Variants in SBK2 observed in about 807,000 individuals in gnomAD.
The protein encoded by SBK2 is serine/threonine-protein kinase SBK2.
Under a neutral mutation model 15.9 loss-of-function variants are expected in SBK2, and 18 were observed. The ratio of observed to expected loss-of-function variants is 1.13; its 90% CI spans 0.78 to 1.68. The LOEUF (loss-of-function observed/expected upper bound fraction) is 1.68. Ranked by LOEUF, SBK2 falls within the 40% of genes most tolerant of loss-of-function variation. SBK2 has a pLI of 0.00. For synonymous variants in SBK2, 284 were observed against 246.8 expected, an observed-to-expected ratio of 1.15 and a Z score of -1.41; for missense variants, 581 against 510.9, an observed-to-expected ratio of 1.14 and a Z score of -1.32.
In SBK2 at chr19:55,529,501, G is replaced by A. The variant is rs1221041244; in HGVS notation, c.*232C>T. ...GGTGGCGGCAGGTACCGAGAGCCACGCGGAGGTCTGAGACCCTGGGGAAGG... is the reference window on the plus strand; with the variant it reads ...GGTGGCGGCAGGTACCGAGAGCCACACGGAGGTCTGAGACCCTGGGGAAGG... On this transcript the variant is annotated 3_prime_UTR_variant, in exon 4 of 4. Transcript: ENST00000413299. Among the ~76,000 whole-genome samples the A allele has an allele frequency of 6.6e-6, 1 of 151,990 alleles. No homozygotes were observed. Among genetic ancestry groups the A allele is most frequent in the Admixed American group, 6.6e-5 (1 of 15,262 alleles).
chr19:55,536,061 C>G lies in SBK2; in HGVS notation c.234G>C (p.Leu78=). The change falls in exon 2 of 4, where the codon CTG becomes CTC. Residue 78 remains leucine, a synonymous_variant. Transcript: ENST00000413299. ...LGQGCYGRVL[L]VTHRQKGTPL... ...TCGTACCTTTCTGACGATGGGTGAC[C>G]AGAAGGACGCGGCCATAGCAACCCT... 8.8e-6 allele frequency: 13 copies of G among 1,483,548 alleles called. No homozygotes were observed. In the African/African-American group the frequency reaches 1.1e-4, roughly 13 times the overall value. 91.9% of individuals were successfully genotyped at this position (1,483,548 alleles called of 1,614,324 possible).
intron 2 of SBK2, among the ~76,000 whole-genome samples, chr19:55,535,318 C>G (rs1048428547): frequency 6.6e-6 from 1 of 152,148 alleles, no homozygotes; most frequent in South Asian, 2.1e-4. Context: ...GGGGAGCTGT[C>G]CTGCGCACCC....
At position 55,530,315 on chromosome 19, in the gene SBK2, G is replaced by T. The variant is rs1373975281; in HGVS notation, c.465C>A (p.Leu155=). The stretch of plus-strand genomic sequence containing the variant: ...CGCAGCGGTGCACCGCGGGCTGCGG[G>T]AGGCCCACCTGCGGGGAGAGGGGTC... ...LMAFIQPKVG[L]PQPAVHRCAA... The change falls in exon 4 of 4, where the codon CTC becomes CTA. Residue 155 remains leucine, a synonymous_variant. Transcript: ENST00000413299. 5 of 1,409,072 alleles carry T rather than the reference G, an allele frequency of 3.5e-6. No individual in the cohort carries two copies. The highest frequency in any genetic ancestry group is 4.6e-6 in the Non-Finnish European group (5 of 1,082,910). 87.3% of individuals were successfully genotyped at this position (1,409,072 alleles called of 1,614,324 possible).
In SBK2 at chr19:55,536,089, C is replaced by T; in HGVS notation, c.206G>A (p.Gly69Asp). 6.6e-7 allele frequency: 1 copy of T among 1,520,460 alleles called. No individual in the cohort carries two copies. The highest frequency in any genetic ancestry group is 8.9e-7 in the Non-Finnish European group (1 of 1,127,328). The allele number at this position is 1,520,460 out of a possible 1,614,324, so 94.2% of individuals were successfully genotyped here. A position where few individuals can be genotyped will look rare whatever the true frequency, so the allele number is the denominator to read the frequency against. ...AAGGACGCGGCCATAGCAACCCTGG[C>T]CCAGGGGACGCACTTCCTCGTAGAG... ...DELYEEVRPLGQGCYGRVLLV... is the reference protein window; with the variant it reads ...DELYEEVRPLDQGCYGRVLLV... The change falls in exon 2 of 4, where the codon GGC becomes GAC. Residue 69 changes from glycine (G) to aspartate (D), a missense_variant. By Grantham distance (94) the Gly-to-Asp change is moderately conservative. Coordinates refer to ENST00000413299, the MANE Select transcript of SBK2 (RefSeq NM_001370096.2).
In SBK2 at chr19:55,529,657, G is replaced by C; in HGVS notation, c.*76C>G. 6.5e-7 allele frequency: 1 copy of C among 1,530,750 alleles called. No homozygotes were observed. Among genetic ancestry groups the C allele is most frequent in the South Asian group, 1.2e-5 (1 of 82,524 alleles). 94.8% of individuals were successfully genotyped at this position (1,530,750 alleles called of 1,614,324 possible). On this transcript the variant is annotated 3_prime_UTR_variant, in exon 4 of 4. Coordinates refer to ENST00000413299, the MANE Select transcript of SBK2 (RefSeq NM_001370096.2). ...CAAGCCCCATGGATGAAAACACACC[G>C]AGGAGACACCAAAAGCCGTTGGCCT...
chr19:55,530,714 T>G (rs1476115195), intron 3 of SBK2, among the ~76,000 whole-genome samples: 14 of 15,662 alleles, frequency 8.9e-4, no homozygotes, highest in African/African-American at 1.6e-3. Context: ...TGGGGCCTAG[T>G]GTGACCTGTG....
chr19:55,529,801 G>C lies in SBK2; in HGVS notation c.979C>G (p.Arg327Gly). ...TCGCCCTCCCGCTGCCTCCAGGGGC[G>C]CCCCAGGTGCTCCCTGATGGCGATC... The part of the protein sequence containing the change: ...AVIAIREHLG[R>G]PWRQREGEAE... The change falls in exon 4 of 4, where the codon CGC (arginine) becomes GGC (glycine). Residue 327 changes from arginine (R) to glycine (G), a missense_variant. Physicochemically the swap from Arg to Gly is moderately radical, Grantham distance 125. Coordinates refer to ENST00000413299, the MANE Select transcript of SBK2 (RefSeq NM_001370096.2). The C allele has an allele frequency of 2.5e-6, 4 of 1,604,320 alleles. No individual in the cohort carries two copies. In the South Asian group the frequency reaches 4.4e-5, roughly 18 times the overall value.
At chr19:55,533,235 G>A (rs1988314054) in intron 2 of SBK2, among the ~76,000 whole-genome samples, 1 of 152,000 alleles carries the variant, frequency 6.6e-6, no homozygotes, top group Non-Finnish European at 1.5e-5. Context: ...GAAGGCTGAG[G>A]CAGGAGAATT....
In SBK2 at chr19:55,529,255, G is replaced by C. The variant is rs1988181373; in HGVS notation, c.*478C>G. On this transcript the variant is annotated 3_prime_UTR_variant, in exon 4 of 4. Transcript: ENST00000413299. ...CTAAAAAAAGTTAAAAATTAGCCTAGCGTGGTGGCGCATGCCTGTAGTCCC... is the reference window on the plus strand; with the variant it reads ...CTAAAAAAAGTTAAAAATTAGCCTACCGTGGTGGCGCATGCCTGTAGTCCC... Among the ~76,000 whole-genome samples, 1 of 152,172 alleles carries C rather than the reference G, an allele frequency of 6.6e-6. No homozygotes were observed. The highest frequency in any genetic ancestry group is 1.5e-5 in the Non-Finnish European group (1 of 68,026).
At position 55,530,114 on chromosome 19, in the gene SBK2, G is replaced by A. The variant is rs1468352761; in HGVS notation, c.666C>T (p.Pro222=). 8 of 1,457,070 alleles carry A rather than the reference G, an allele frequency of 5.5e-6. No individual in the cohort carries two copies. The highest frequency in any genetic ancestry group is 7.2e-6 in the Non-Finnish European group (8 of 1,109,224). The allele number at this position is 1,457,070 out of a possible 1,614,324, so 90.3% of individuals were successfully genotyped here. The change falls in exon 4 of 4, where the codon CCC becomes CCT. Residue 222 remains proline (P), a synonymous_variant. Coordinates refer to ENST00000413299, the MANE Select transcript of SBK2 (RefSeq NM_001370096.2). The part of the protein sequence containing the change: ...TLLRLAGPPI[P]YTAPELCAPP... ...GCGCGCAGAGCTCGGGGGCCGTGTA[G>A]GGGATGGGCGGCCCGGCCAGGCGCA...
intron 2 of SBK2, among the ~76,000 whole-genome samples, chr19:55,535,521 C>G (rs770444835): frequency 1.1e-4 from 16 of 152,204 alleles, no homozygotes; most frequent in Non-Finnish European, 2.1e-4. Context: ...AATCATCACC[C>G]ACATTTTCCA....
Position 55,533,657 on chromosome 19 carries a change from C to A in SBK2, c.254-2312G>T, listed in dbSNP as rs1331368023. Among the ~76,000 whole-genome samples, 2 of 5,664 alleles carry A rather than the reference C, an allele frequency of 3.5e-4. 1 individual carries two copies. The highest frequency in any genetic ancestry group is 5.3e-4 in the Non-Finnish European group (2 of 3,798). The allele number at this position is 5,664 out of a possible 152,430, so 3.7% of individuals were successfully genotyped here. ...CCTGGGCGACAGAGCGAGACTCCGT[C>A]TCAAAAAAAAAAAAAAAAAAAAAAA... On this transcript the variant is annotated intron_variant, in intron 2 of 3. Transcript: ENST00000413299.
rs776199667 is a variant in SBK2 at position 55,531,297 on chromosome 19, C to G, written c.302G>C (p.Arg101Pro). Residue 101 changes from arginine to proline, a missense_variant, in exon 3 of 4, where the codon CGT (arginine) becomes CCT (proline). Coordinates refer to ENST00000413299, the MANE Select transcript of SBK2 (RefSeq NM_001370096.2). ...CACACAGAACTCGTACAGGAAGCCA[C>G]GGAGGGACGTGCGGGGTTTCGGGAG... is the stretch of plus-strand genomic sequence containing the variant. ...KQLPKPRTSL[R>P]GFLYEFCVGL... 3 of 1,613,184 alleles carry G rather than the reference C, an allele frequency of 1.9e-6. No homozygotes were observed. Among genetic ancestry groups the G allele is most frequent in the Non-Finnish European group, 2.5e-6 (3 of 1,179,774 alleles).
In SBK2 at chr19:55,536,066, G is replaced by A. The variant is rs764388559; in HGVS notation, c.229C>T (p.Leu77Phe). 6.7e-7 allele frequency: 1 copy of A among 1,488,844 alleles called. No individual in the cohort carries two copies. Among genetic ancestry groups the A allele is most frequent in the Non-Finnish European group, 9.0e-7 (1 of 1,112,874 alleles). The allele number at this position is 1,488,844 out of a possible 1,614,324, so 92.2% of individuals were successfully genotyped here. Residue 77 changes from leucine (L) to phenylalanine (F), a missense_variant, in exon 2 of 4, where the codon CTT (leucine) becomes TTT (phenylalanine). Transcript: ENST00000413299. Reference sequence around the variant, plus strand: ...CCTTTCTGACGATGGGTGACCAGAAGGACGCGGCCATAGCAACCCTGGCCC... The same window carrying A: ...CCTTTCTGACGATGGGTGACCAGAAAGACGCGGCCATAGCAACCCTGGCCC... ...PLGQGCYGRV[L>F]LVTHRQKGTP...
intron 2 of SBK2, 131 bp from the exon 3 acceptor site, chr19:55,531,476 C>T: frequency 1.4e-6 from 1 of 691,252 alleles, no homozygotes; most frequent in East Asian, 2.7e-5. Flanking sequence ...TCTCCACCTC[C>T]TCCAACTCCC....
Position 55,530,272 on chromosome 19 carries a change from C to A in SBK2, c.508G>T (p.Ala170Ser). The A allele has an allele frequency of 6.8e-7, 1 of 1,479,904 alleles. No individual in the cohort carries two copies. The highest frequency in any genetic ancestry group is 9.0e-7 in the Non-Finnish European group (1 of 1,115,242). The allele number at this position is 1,479,904 out of a possible 1,614,324, so 91.7% of individuals were successfully genotyped here. A position where few individuals can be genotyped will look rare whatever the true frequency, so the allele number is the denominator to read the frequency against. The change falls in exon 4 of 4, where the codon GCC becomes TCC. Residue 170 changes from alanine (A) to serine (S), a missense_variant. By Grantham distance (99) the Ala-to-Ser change is moderately conservative. Coordinates refer to ENST00000413299, the MANE Select transcript of SBK2 (RefSeq NM_001370096.2). ...VHRCAAQLAS[A>S]LEYIHARGLV... The stretch of plus-strand genomic sequence containing the variant: ...CCGCGGGCGTGGATGTACTCCAGGG[C>A]GGAGGCCAGCTGGGCGGCGCAGCGG...
At chr19:55,531,996 G>T (rs1004390834) in intron 2 of SBK2, among the ~76,000 whole-genome samples, 1 of 152,000 alleles carries the variant, frequency 6.6e-6, no homozygotes, top group Non-Finnish European at 1.5e-5. Context: ...AATTAGCTGG[G>T]CATGGTGGCA....
In SBK2 at chr19:55,530,107, C is replaced by T; in HGVS notation, c.673G>A (p.Ala225Thr). Residue 225 changes from alanine (A) to threonine (T), a missense_variant, in exon 4 of 4, where the codon GCC becomes ACC. Coordinates refer to ENST00000413299, the MANE Select transcript of SBK2 (RefSeq NM_001370096.2). ...GGCGGGGGCGCGCAGAGCTCGGGGG[C>T]CGTGTAGGGGATGGGCGGCCCGGCC... ...RLAGPPIPYT[A>T]PELCAPPPLP... The T allele has an allele frequency of 2.1e-6, 3 of 1,452,558 alleles. No individual in the cohort carries two copies. Among genetic ancestry groups the T allele is most frequent in the Non-Finnish European group, 2.7e-6 (3 of 1,107,600 alleles). 90.0% of individuals were successfully genotyped at this position (1,452,558 alleles called of 1,614,324 possible).
At chr19:55,536,510 C>A (rs919702161) in intron 1 of SBK2, among the ~76,000 whole-genome samples, 1 of 152,034 alleles carries the variant, frequency 6.6e-6, no homozygotes, top group African/African-American at 2.4e-5. Flanking sequence ...GTGCCGCCGC[C>A]GCCACCCGCC....
Sources: gnomAD v4.1 joint callset for allele counts (sites outside exome capture counted in the v4.1 genomes callset) on GRCh38, gnomAD v4.1.1 for gene constraint, MANE v1.5 for transcripts, NCBI Gene and HGNC (gene_info 2026-07-23, HGNC 2026-07-21) for gene names.